The following GPC6 variants were observed in gnomAD, a reference collection of about 807,000 sequenced individuals.
GPC6 encodes the protein glypican-6.
In GPC6, 14 loss-of-function variants were observed where a neutral mutation model predicts 55.2. That is an observed-to-expected ratio of 0.25 (90% CI 0.17 to 0.40). The LOEUF (loss-of-function observed/expected upper bound fraction) is 0.40. GPC6 is among the 10% of genes least tolerant of loss of function. GPC6 has a pLI of 1.00. For synonymous variants in GPC6, 278 were observed against 259.6 expected, an observed-to-expected ratio of 1.07 and a Z score of -0.68; for missense variants, 641 against 708.5, an observed-to-expected ratio of 0.90 and a Z score of 1.08.
chr13:94,053,375 GACT>G (rs1199505757), intron 4 of GPC6, among the ~76,000 whole-genome samples: 1 of 152,176 alleles, frequency 6.6e-6, no homozygotes, highest in African/African-American at 2.4e-5. Context: ...GTGTAACAGG[GACT>G]AGGGTTGTCA....
At chr13:94,137,564 T>TTTG (rs1049585257) in intron 4 of GPC6, among the ~76,000 whole-genome samples, 7 of 152,194 alleles carry the variant, frequency 4.6e-5, no homozygotes, top group South Asian at 4.1e-4. Flanking sequence ...ATGCTTATTT[T>TTTG]TTGTTGTTGT....
chr13:94,370,408 C>A (rs1879488232), intron 6 of GPC6, among the ~76,000 whole-genome samples: 1 of 152,192 alleles, frequency 6.6e-6, no homozygotes, highest in Admixed American at 6.5e-5. Context: ...GTTACCCCTA[C>A]TAGGCAGTGC....
At chr13:94,366,923 A>G (rs1208864797) in intron 6 of GPC6, among the ~76,000 whole-genome samples, 1 of 152,242 alleles carries the variant, frequency 6.6e-6, no homozygotes, top group Non-Finnish European at 1.5e-5. Flanking sequence ...AAAGCCAGGC[A>G]AGAGAGAAAA....
rs1441521398 is a variant in GPC6, at chr13:94,372,807, T to A, written c.1153-9607T>A. Among the ~76,000 whole-genome samples, 4 of 152,184 alleles carry A rather than the reference T, an allele frequency of 2.6e-5. No individual in the cohort carries two copies. In the East Asian group the frequency reaches 7.8e-4, roughly 29 times the overall value. ...CAGCAGTAACCTCTGCAGACTTAAATGTCCCTGTCTGACAGCTTTGAAGAG... is the reference window on the plus strand; with the variant it reads ...CAGCAGTAACCTCTGCAGACTTAAAAGTCCCTGTCTGACAGCTTTGAAGAG... On this transcript the variant is annotated intron_variant, in intron 6 of 8. Transcript: ENST00000377047.
At chr13:93,265,661 G>C (rs1252389950) in intron 1 of GPC6, among the ~76,000 whole-genome samples, 1 of 152,056 alleles carries the variant, frequency 6.6e-6, no homozygotes, top group East Asian at 1.9e-4. Flanking sequence ...TTCAGATAAG[G>C]GTACTCAGCT....
rs527618629 is a variant in GPC6, at chr13:93,241,956, T to C, written c.160+14340T>C. 3.5e-4 allele frequency among the ~76,000 whole-genome samples: 53 copies of C among 152,316 alleles called. 1 individual carries two copies. The highest frequency in any genetic ancestry group is 1.0e-3 in the African/African-American group (42 of 41,576). On this transcript the variant is annotated intron_variant, in intron 1 of 8. Coordinates refer to ENST00000377047, the MANE Select transcript of GPC6 (RefSeq NM_005708.5). ...CTTGGTTATACAGAATTTTGTCTGA[T>C]GGCTTTCTTAGGTCGTGCTTTTAGT...
intron 1 of GPC6, among the ~76,000 whole-genome samples, chr13:93,350,217 T>C (rs1880584221): frequency 6.6e-6 from 1 of 152,094 alleles, no homozygotes; most frequent in Non-Finnish European, 1.5e-5. Context: ...GGTGGATCAC[T>C]TGAAGTCAGG....
At chr13:93,346,531 G>A (rs1163932899) in intron 1 of GPC6, among the ~76,000 whole-genome samples, 3 of 152,168 alleles carry the variant, frequency 2.0e-5, no homozygotes, top group Non-Finnish European at 4.4e-5. Flanking sequence ...TGTGATGTGA[G>A]GGGTTCCAGG....
chr13:93,423,202 A>G (rs9561346), intron 1 of GPC6, among the ~76,000 whole-genome samples: 21,089 of 152,184 alleles, frequency 0.14, 2,138 homozygotes, highest in East Asian at 0.48. Context: ...TTTTAGGGAC[A>G]TGAGAAAAAT....
intron 1 of GPC6, among the ~76,000 whole-genome samples, chr13:93,540,008 T>A (rs1215046240): frequency 6.6e-6 from 1 of 152,140 alleles, no homozygotes; most frequent in Non-Finnish European, 1.5e-5. Context: ...ACTTTTTGAA[T>A]GGCACAGTAA....
chr13:93,286,967 T>C (rs1176077781), intron 1 of GPC6, among the ~76,000 whole-genome samples: 2 of 152,180 alleles, frequency 1.3e-5, no homozygotes, highest in Non-Finnish European at 2.9e-5. Flanking sequence ...CACCTTTGCT[T>C]TCCGGTGGTT....
intron 1 of GPC6, among the ~76,000 whole-genome samples, chr13:93,272,857 C>T (rs1448960863): frequency 1.3e-5 from 2 of 152,098 alleles, no homozygotes; most frequent in African/African-American, 2.4e-5. Flanking sequence ...AGTTCAGAAA[C>T]ATTTGTATTT....
chr13:93,277,956 TAA>T (rs774718693), intron 1 of GPC6, among the ~76,000 whole-genome samples: 2 of 152,170 alleles, frequency 1.3e-5, no homozygotes, highest in Non-Finnish European at 2.9e-5. Flanking sequence ...ATTTTGAAAA[TAA>T]GTGTATATTA....
chr13:94,082,804 A>G (rs1885146061), intron 4 of GPC6, among the ~76,000 whole-genome samples: 1 of 152,198 alleles, frequency 6.6e-6, no homozygotes, highest in Non-Finnish European at 1.5e-5. Context: ...AAATCCTGCA[A>G]CGTTTCATCT....
chr13:93,732,503 A>G (rs192754596), intron 2 of GPC6, among the ~76,000 whole-genome samples: 3 of 152,318 alleles, frequency 2.0e-5, no homozygotes, highest in Non-Finnish European at 4.4e-5. Context: ...TGTTATTGCC[A>G]GCAGTCATAG....
rs565270111 is a variant in GPC6 at position 93,877,724 on chromosome 13, AATC to A, written c.711+47181_711+47183del. Among the ~76,000 whole-genome samples, 13 of 152,248 alleles carry A rather than the reference AATC, an allele frequency of 8.5e-5. No individual in the cohort carries two copies. In the East Asian group the frequency reaches 2.3e-3, roughly 27 times the overall value. On this transcript the variant is annotated intron_variant, in intron 3 of 8. Transcript: ENST00000377047. Reference sequence around the variant, plus strand: ...TCAAAGATAAAGATGTATTTTATGTAATCACTAGGAGTTCTAGCTTTGTTAGAA... The same window carrying A: ...TCAAAGATAAAGATGTATTTTATGTAACTAGGAGTTCTAGCTTTGTTAGAA...
chr13:94,009,602 T>C (rs1882160768), intron 3 of GPC6, among the ~76,000 whole-genome samples: 1 of 152,132 alleles, frequency 6.6e-6, no homozygotes. Context: ...ATAATTCACC[T>C]AAGATGTGGA....
At chr13:93,445,200 T>A (rs1877955621) in intron 1 of GPC6, among the ~76,000 whole-genome samples, 1 of 152,152 alleles carries the variant, frequency 6.6e-6, no homozygotes, top group African/African-American at 2.4e-5. Context: ...AGTAAGGGAT[T>A]TTTATGTTTC....
chr13:93,523,055 A>ATG (rs3076820), intron 1 of GPC6, among the ~76,000 whole-genome samples: 8,649 of 149,106 alleles, frequency 0.058, 811 homozygotes, highest in African/African-American at 0.21. Context: ...ACACACACAT[A>ATG]TGTGTATACA....
Sources: allele counts gnomAD v4.1 joint callset (sites outside exome capture counted in the v4.1 genomes callset), GRCh38; gene constraint gnomAD v4.1.1; transcripts MANE v1.5; gene names NCBI Gene and HGNC (gene_info 2026-07-23, HGNC 2026-07-21).